The following ARHGEF11 variants were observed in gnomAD, a reference collection of about 807,000 sequenced individuals.
ARHGEF11 encodes the protein Rho guanine nucleotide exchange factor 11.
A neutral mutation model predicts 193.7 loss-of-function variants in ARHGEF11; 55 were observed. That is an observed-to-expected ratio of 0.28 (90% CI 0.23 to 0.36). ARHGEF11 has a LOEUF of 0.36. ARHGEF11 is among the 10% of genes least tolerant of loss of function. The pLI is 1.00. For synonymous variants in ARHGEF11, 693 were observed against 768.0 expected (o/e 0.90, Z 1.62); for missense variants, 1,723 against 2,005.6 (o/e 0.86, Z 2.69).
At chr1:156,959,924 A>AC (rs752001490) in intron 15 of ARHGEF11, among the ~76,000 whole-genome samples, 2,218 of 76,894 alleles carry the variant, frequency 0.029, 104 homozygotes, top group African/African-American at 0.11. Context: ...AACAAAAATA[A>AC]CCCCCCCTCC....
In ARHGEF11 at chr1:156,937,334, C is replaced by A. The variant is rs201607774; in HGVS notation, c.4355G>T (p.Arg1452Leu). 6.2e-7 allele frequency: 1 copy of A among 1,613,516 alleles called. No homozygotes were observed. Among genetic ancestry groups the A allele is most frequent in the Non-Finnish European group, 8.5e-7 (1 of 1,179,756 alleles). Residue 1452 changes from arginine (R) to leucine (L), a missense_variant, in exon 39 of 41, where the codon CGC becomes CTC. By Grantham distance (102) the Arg-to-Leu change is moderately radical (BLOSUM62 -2). Coordinates refer to ENST00000368194, the MANE Select transcript of ARHGEF11 (RefSeq NM_198236.3). ...GGNDDPRRPS[R>L]SPPSLALRDV... ...CCTGAGGGCCAGGCTTGGAGGAGAG[C>A]GGCTGGGGCGTCTTGGATCATCGTT...
chr1:157,022,563 G>C (rs1342209159), intron 1 of ARHGEF11, among the ~76,000 whole-genome samples: 2 of 152,168 alleles, frequency 1.3e-5, no homozygotes, highest in Non-Finnish European at 2.9e-5. Context: ...TTATGGGTTG[G>C]AAGGTTTAAA....
chr1:156,996,984 C>A (rs115601951), intron 1 of ARHGEF11, among the ~76,000 whole-genome samples: 593 of 150,990 alleles, frequency 3.9e-3, no homozygotes, highest in African/African-American at 0.013. Flanking sequence ...GCCTCAGCCT[C>A]TCAAGTAGCT....
At chr1:156,947,738 CG>C (rs1557838412) in intron 25 of ARHGEF11, 30 bp downstream of exon 25, 1 of 1,607,370 alleles carries the variant, frequency 6.2e-7, no homozygotes, top group Non-Finnish European at 8.5e-7. Context: ...CACGTGTGAG[CG>C]GAGCTGGGGG....
intron 3 of ARHGEF11, 140 bp downstream of exon 3, chr1:156,984,199 T>A (rs1045635478): frequency 5.0e-6 from 3 of 599,354 alleles, no homozygotes; most frequent in Non-Finnish European, 8.3e-6. Flanking sequence ...TTGAAGAGGC[T>A]TCCCCACGCA....
At chr1:156,966,398 T>A (rs1557873290) in intron 11 of ARHGEF11, among the ~76,000 whole-genome samples, 1 of 152,236 alleles carries the variant, frequency 6.6e-6, no homozygotes, top group East Asian at 1.9e-4. Context: ...AATACTTTTA[T>A]TACATGTGAT....
rs1654896024 is a variant in ARHGEF11 at position 156,935,569 on chromosome 1, G to A, written c.*431C>T. 1 of 166,078 alleles carries A rather than the reference G, an allele frequency of 6.0e-6. No individual in the cohort carries two copies. Among genetic ancestry groups the A allele is most frequent in the Admixed American group, 6.3e-5 (1 of 15,840 alleles). The allele number at this position is 166,078 out of a possible 1,614,324, so 10.3% of individuals were successfully genotyped here. A position where few individuals can be genotyped will look rare whatever the true frequency, so the allele number is the denominator to read the frequency against. ...GGAAACCAAAGTGACAAAGAGGGGA[G>A]GGGAGGCACCCACCTCTGCCTGGGG... On this transcript the variant is annotated 3_prime_UTR_variant, in exon 41 of 41. Coordinates refer to ENST00000368194, the MANE Select transcript of ARHGEF11 (RefSeq NM_198236.3).
At chr1:157,019,903 G>T (rs1669753544) in intron 1 of ARHGEF11, among the ~76,000 whole-genome samples, 1 of 152,174 alleles carries the variant, frequency 6.6e-6, no homozygotes, top group Non-Finnish European at 1.5e-5. Flanking sequence ...AAGGCAGGCA[G>T]ATCACAAGGT....
upstream of ARHGEF11, among the ~76,000 whole-genome samples, chr1:157,046,460 T>C (rs1223064213): frequency 1.3e-5 from 2 of 151,816 alleles, no homozygotes; most frequent in Non-Finnish European, 2.9e-5. Flanking sequence ...TCCACCTCTC[T>C]TCTGATCTTA....
chr1:157,037,806 G>A (rs1672228170), intron 1 of ARHGEF11, among the ~76,000 whole-genome samples: 1 of 152,054 alleles, frequency 6.6e-6, no homozygotes, highest in African/African-American at 2.4e-5. Context: ...TGAAGTGGGC[G>A]GTTTACTTGA....
At chr1:157,018,669 G>GAAAAAAAA (rs1669591191) in intron 1 of ARHGEF11, among the ~76,000 whole-genome samples, 1 of 150,852 alleles carries the variant, frequency 6.6e-6, no homozygotes, top group Non-Finnish European at 1.5e-5. Flanking sequence ...AAAAAGAAAT[G>GAAAAAAAA]AAAAAGACCT....
At chr1:156,955,211 A>G (rs1302986357) in intron 20 of ARHGEF11, among the ~76,000 whole-genome samples, 3 of 152,198 alleles carry the variant, frequency 2.0e-5, no homozygotes, top group East Asian at 1.9e-4. Context: ...GAAGAGATCA[A>G]TGATAGGATC....
chr1:157,041,659 G>A (rs1367562274), intron 1 of ARHGEF11, among the ~76,000 whole-genome samples: 1 of 152,164 alleles, frequency 6.6e-6, no homozygotes, highest in Non-Finnish European at 1.5e-5. Context: ...TGTACTTGCT[G>A]ATCTGTTCAT....
chr1:156,968,903 T>G (rs1045387612), intron 10 of ARHGEF11, among the ~76,000 whole-genome samples: 1 of 152,238 alleles, frequency 6.6e-6, no homozygotes, highest in Non-Finnish European at 1.5e-5. Flanking sequence ...TTGGGTTCAC[T>G]GTATTAATCT....
chr1:156,967,922 C>A (rs1176471648), intron 11 of ARHGEF11, 65 bp downstream of exon 11: 15 of 1,609,352 alleles, frequency 9.3e-6, no homozygotes, highest in Middle Eastern at 4.4e-4. Context: ...GTACTGGTAA[C>A]ACCCATGCCT....
intron 19 of ARHGEF11, among the ~76,000 whole-genome samples, chr1:156,956,143 G>A (rs1345060165): frequency 6.6e-6 from 1 of 152,030 alleles, no homozygotes; most frequent in African/African-American, 2.4e-5. Flanking sequence ...TTCAGACAGA[G>A]TCTCACTCTG....
chr1:156,944,548 A>C, intron 30 of ARHGEF11, 115 bp from the exon 31 acceptor site: 1 of 1,130,192 alleles, frequency 8.8e-7, no homozygotes, highest in Non-Finnish European at 1.3e-6. Context: ...AAATAAGAAA[A>C]AGTCCTTGCC....
At chr1:156,979,606 C>T (rs547455772) in intron 4 of ARHGEF11, among the ~76,000 whole-genome samples, 2 of 152,210 alleles carry the variant, frequency 1.3e-5, no homozygotes, top group Admixed American at 6.5e-5. Context: ...CCTTGTGATC[C>T]GCCCGTCTTG....
intron 1 of ARHGEF11, among the ~76,000 whole-genome samples, chr1:157,016,113 A>C (rs1379828815): frequency 6.6e-6 from 1 of 151,598 alleles, no homozygotes; most frequent in African/African-American, 2.4e-5. Flanking sequence ...TAAGACCTAA[A>C]CCCCCAGGTG....
Sources: allele counts gnomAD v4.1 joint callset (sites outside exome capture counted in the v4.1 genomes callset), GRCh38; gene constraint gnomAD v4.1.1; transcripts MANE v1.5; gene names NCBI Gene and HGNC (gene_info 2026-07-23, HGNC 2026-07-21).